ZRANB3: variants seen among roughly 807,000 people sequenced by gnomAD.
ZRANB3 encodes the protein zinc finger RANBP2-type containing 3.
ZRANB3 carries 125 observed loss-of-function variants against 133.8 expected under a neutral mutation model. That is an observed-to-expected ratio of 0.93 (90% confidence interval 0.81 to 1.08). ZRANB3 has a LOEUF of 1.08. Ranked by LOEUF, ZRANB3 falls within the 50% of genes least tolerant of loss-of-function variation. ZRANB3 has a pLI of 0.00. For synonymous variants in ZRANB3, 387 were observed against 432.7 expected, an observed-to-expected ratio of 0.89 and a Z score of 1.31; for missense variants, 1,229 against 1,275.5, an observed-to-expected ratio of 0.96 and a Z score of 0.56.
chr2:135,447,128 T>G (rs1002072861), intron 2 of ZRANB3, among the ~76,000 whole-genome samples: 4 of 152,136 alleles, frequency 2.6e-5, no homozygotes, highest in African/African-American at 9.7e-5. Context: ...CACTGCAACC[T>G]CCACCTCCCG....
intron 2 of ZRANB3, among the ~76,000 whole-genome samples, chr2:135,479,691 G>A (rs142955697): frequency 1.7e-3 from 262 of 151,870 alleles, no homozygotes; most frequent in Admixed American, 3.2e-3. Context: ...GACACCTATT[G>A]ATACACGCAT....
intron 2 of ZRANB3, among the ~76,000 whole-genome samples, chr2:135,500,665 T>C (rs1692896220): frequency 6.6e-6 from 1 of 151,776 alleles, no homozygotes; most frequent in African/African-American, 2.4e-5. Flanking sequence ...CAATGTTCTA[T>C]TTCTCGATCT....
intron 2 of ZRANB3, among the ~76,000 whole-genome samples, chr2:135,475,492 T>G (rs528881537): frequency 6.6e-6 from 1 of 152,332 alleles, no homozygotes; most frequent in South Asian, 2.1e-4. Flanking sequence ...TTTCATAGAG[T>G]TTTAAGAGTA....
chr2:135,362,574 C>A lies in ZRANB3; in HGVS notation c.181-8946G>T, dbSNP rs182229732. On this transcript the variant is annotated intron_variant, in intron 3 of 20. Coordinates refer to ENST00000264159, the MANE Select transcript of ZRANB3 (RefSeq NM_032143.4). ...AGTCCAAAGCATGGCTTAGAGATGC[C>A]CATATTGGGACTAGAAAAAGAAAAT... 3.3e-5 allele frequency among the ~76,000 whole-genome samples: 5 copies of A among 152,228 alleles called. No homozygotes were observed. The South Asian group carries it at 8.3e-4, about 25-fold the overall frequency.
At chr2:135,383,635 T>C (rs1435926157) in intron 3 of ZRANB3, among the ~76,000 whole-genome samples, 2 of 152,134 alleles carry the variant, frequency 1.3e-5, no homozygotes, top group South Asian at 2.1e-4. Context: ...ACAGAAATTA[T>C]AACAAACTCT....
At chr2:135,268,798 G>C (rs142747795) in intron 11 of ZRANB3, among the ~76,000 whole-genome samples, 164 bp downstream of exon 11, 50 of 152,188 alleles carry the variant, frequency 3.3e-4, no homozygotes, top group African/African-American at 1.1e-3. Context: ...AGCAGACAAG[G>C]TACTACTACT....
Position 135,224,566 on chromosome 2 carries a change from T to C in ZRANB3, c.2159-49A>G, listed in dbSNP as rs752762185. On this transcript the variant is annotated intron_variant, in intron 14 of 20. Coordinates refer to ENST00000264159, the MANE Select transcript of ZRANB3 (RefSeq NM_032143.4). Reference sequence around the variant, plus strand: ...CCTGAAGGCTTATCTACCCTCTATCTAAAATAGCTTATTTTAATCGTGTGT... The same window carrying C: ...CCTGAAGGCTTATCTACCCTCTATCCAAAATAGCTTATTTTAATCGTGTGT... The C allele has an allele frequency of 2.2e-6, 3 of 1,340,388 alleles. No individual in the cohort carries two copies. The South Asian group carries it at 3.8e-5, about 17-fold the overall frequency. The allele number at this position is 1,340,388 out of a possible 1,614,324, so 83.0% of individuals were successfully genotyped here. A position where few individuals can be genotyped will look rare whatever the true frequency, so the allele number is the denominator to read the frequency against.
In ZRANB3 at chr2:135,227,915, T is replaced by C. The variant is rs1293829917; in HGVS notation, c.2055A>G (p.Glu685=). 1 of 1,559,324 alleles carries C rather than the reference T, an allele frequency of 6.4e-7. No homozygotes were observed. The highest frequency in any genetic ancestry group is 1.9e-5 in the Admixed American group (1 of 51,626). The part of the protein sequence containing the change: ...SKKVQTISDC[E]KQALAQSEPG... ...GTTCTGACTGTGCAAGGGCTTGTTT[T>C]TCACAGTCTGAGATAGTTTGAACCT... Residue 685 remains glutamate (E), a synonymous_variant, in exon 14 of 21, where the codon GAA becomes GAG. Transcript: ENST00000264159.
At chr2:135,280,878 A>C (rs1681074287) in intron 8 of ZRANB3, among the ~76,000 whole-genome samples, 1 of 152,182 alleles carries the variant, frequency 6.6e-6, no homozygotes, top group South Asian at 2.1e-4. Flanking sequence ...TTCAGTGTCC[A>C]TCCTGTCCTT....
At chr2:135,351,065 A>G (rs1685181612) in intron 4 of ZRANB3, among the ~76,000 whole-genome samples, 1 of 152,138 alleles carries the variant, frequency 6.6e-6, no homozygotes, top group African/African-American at 2.4e-5. Context: ...TGAAATAATT[A>G]GACAAATAAA....
chr2:135,347,808 T>C (rs1388946086), intron 5 of ZRANB3, among the ~76,000 whole-genome samples: 4 of 152,134 alleles, frequency 2.6e-5, no homozygotes, highest in African/African-American at 4.8e-5. Flanking sequence ...AAACATGAGT[T>C]GCAGCAAAAA....
intron 5 of ZRANB3, among the ~76,000 whole-genome samples, chr2:135,348,848 C>T (rs1311101533): frequency 6.6e-6 from 1 of 152,136 alleles, no homozygotes; most frequent in Non-Finnish European, 1.5e-5. Flanking sequence ...CTCGCCTCGG[C>T]TTCCCAAAGT....
intron 8 of ZRANB3, among the ~76,000 whole-genome samples, chr2:135,303,434 T>G (rs1438855244): frequency 6.6e-6 from 1 of 152,138 alleles, no homozygotes; most frequent in Non-Finnish European, 1.5e-5. Flanking sequence ...TTTTTCCTTA[T>G]GGATATCCAA....
At chr2:135,510,158 G>GT (rs1286592752) in intron 1 of ZRANB3, among the ~76,000 whole-genome samples, 2 of 152,102 alleles carry the variant, frequency 1.3e-5, no homozygotes, top group Admixed American at 1.3e-4. Context: ...CACACAGAAA[G>GT]TAAGAAATAT....
chr2:135,322,758 T>TG (rs1683592578), intron 6 of ZRANB3, among the ~76,000 whole-genome samples: 1 of 152,168 alleles, frequency 6.6e-6, no homozygotes, highest in Non-Finnish European at 1.5e-5. Context: ...GGCTCACGCC[T>TG]GTAATCTTAG....
At chr2:135,308,032 T>C (rs1682786675) in intron 8 of ZRANB3, among the ~76,000 whole-genome samples, 1 of 152,136 alleles carries the variant, frequency 6.6e-6, no homozygotes, top group African/African-American at 2.4e-5. Flanking sequence ...GTTAAGTTCA[T>C]AGTGGGGGTT....
At chr2:135,399,288 GT>G (rs1459731914) in intron 2 of ZRANB3, among the ~76,000 whole-genome samples, 1 of 152,134 alleles carries the variant, frequency 6.6e-6, no homozygotes, top group Non-Finnish European at 1.5e-5. Flanking sequence ...ATAAGCATAT[GT>G]GAATTATAGA....
At chr2:135,219,976 A>T (rs1694470459) in intron 15 of ZRANB3, among the ~76,000 whole-genome samples, 1 of 151,662 alleles carries the variant, frequency 6.6e-6, no homozygotes, top group Non-Finnish European at 1.5e-5. Context: ...GGCCCAGGTG[A>T]TCCTCCCATC....
chr2:135,365,162 G>C (rs1285830308), intron 3 of ZRANB3, among the ~76,000 whole-genome samples: 1 of 152,160 alleles, frequency 6.6e-6, no homozygotes, highest in Admixed American at 6.5e-5. Flanking sequence ...AGCTACTTGG[G>C]AGGCTGAGGC....
Sources: allele counts gnomAD v4.1 joint callset (sites outside exome capture counted in the v4.1 genomes callset), GRCh38; gene constraint gnomAD v4.1.1; transcripts MANE v1.5; gene names NCBI Gene and HGNC (gene_info 2026-07-23, HGNC 2026-07-21).